The following KIF24 variants were observed in gnomAD, a reference collection of about 807,000 sequenced individuals.
The protein encoded by KIF24 is kinesin-like protein KIF24.
A neutral mutation model predicts 118.9 loss-of-function variants in KIF24; 81 were observed. The observed-to-expected ratio is 0.68, with a 90% CI of 0.57 to 0.82. The LOEUF (loss-of-function observed/expected upper bound fraction) is 0.82, where lower values mean the gene tolerates loss of function less well. KIF24 is among the 40% of genes least tolerant of loss of function. KIF24 has a pLI of 0.00. For synonymous variants in KIF24, 599 were observed against 610.0 expected (o/e 0.98, Z 0.27); for missense variants, 1,560 against 1,661.6 (o/e 0.94, Z 1.06).
intron 6 of KIF24, among the ~76,000 whole-genome samples, chr9:34,281,743 T>C (rs1350048639): frequency 1.3e-5 from 2 of 152,194 alleles, no homozygotes; most frequent in East Asian, 1.9e-4. Context: ...TTAAGCTTGG[T>C]TGAAGACTCA....
intron 4 of KIF24, among the ~76,000 whole-genome samples, chr9:34,290,898 C>T (rs905832475): frequency 6.6e-6 from 1 of 152,076 alleles, no homozygotes; most frequent in Admixed American, 6.5e-5. Context: ...CCACACCCAG[C>T]CTGAGTTTTC....
intron 3 of KIF24, among the ~76,000 whole-genome samples, chr9:34,303,643 A>G (rs1836808332): frequency 1.3e-5 from 2 of 152,246 alleles, no homozygotes; most frequent in African/African-American, 4.8e-5. Flanking sequence ...TGAGCTCAGG[A>G]GTTCGAGACC....
At chr9:34,263,293 A>C in intron 8 of KIF24, 121 bp from the exon 9 acceptor site, 2 of 730,728 alleles carry the variant, frequency 2.7e-6, no homozygotes, top group Non-Finnish European at 4.9e-6. Context: ...AATCCTCCAA[A>C]AGGAAGTCAA....
intron 12 of KIF24, 144 bp from the exon 13 acceptor site, chr9:34,254,664 G>T: frequency 1.3e-6 from 1 of 796,664 alleles, no homozygotes; most frequent in Non-Finnish European, 2.0e-6. Context: ...AGTTGCTATG[G>T]CACAGGGTGG....
intron 3 of KIF24, among the ~76,000 whole-genome samples, chr9:34,302,638 G>A (rs142811028): frequency 6.8e-6 from 1 of 147,560 alleles, no homozygotes; most frequent in East Asian, 2.0e-4. Flanking sequence ...GCTAATTTTT[G>A]TATTTTTAAA....
intron 8 of KIF24, among the ~76,000 whole-genome samples, chr9:34,266,593 G>C (rs373258220): frequency 6.6e-6 from 1 of 151,258 alleles, no homozygotes; most frequent in Non-Finnish European, 1.5e-5. Context: ...CAGGAGAATC[G>C]CTTGAACCTA....
At chr9:34,329,359 GA>G, upstream of KIF24, 1 of 152,382 alleles carries the variant, frequency 6.6e-6, no homozygotes, top group African/African-American at 2.4e-5. Context: ...TTCTCCTCTG[GA>G]AGACCAATCA....
Position 34,318,562 on chromosome 9 carries a change from C to T in KIF24, c.-25-7191G>A. 1 of 1,215,678 alleles carries T rather than the reference C, an allele frequency of 8.2e-7. No homozygotes were observed. Among genetic ancestry groups the T allele is most frequent in the Non-Finnish European group, 1.2e-6 (1 of 836,866 alleles). 75.3% of individuals were successfully genotyped at this position (1,215,678 alleles called of 1,614,324 possible). A position where few individuals can be genotyped will look rare whatever the true frequency, so the allele number is the denominator to read the frequency against. ...AACACAGCGCCGGCCTGGCCTTCAGCCTGTACCAGGCCATGGCCAAGGACC... is the reference window on the plus strand; with the variant it reads ...AACACAGCGCCGGCCTGGCCTTCAGTCTGTACCAGGCCATGGCCAAGGACC... On this transcript the variant is annotated intron_variant, in intron 1 of 12. Coordinates refer to ENST00000402558, the MANE Select transcript of KIF24 (RefSeq NM_194313.4). This position sits in a 1 kb window ranked among gnomAD's most constrained non-coding sequence, Gnocchi z 4.9.
chr9:34,260,973 A>AAAAT (rs761920445), intron 9 of KIF24, among the ~76,000 whole-genome samples: 25 of 151,580 alleles, frequency 1.6e-4, no homozygotes, highest in Non-Finnish European at 2.4e-4. Context: ...CTCCCTCTCA[A>AAAAT]AAATAAATAA....
rs1435868760 is a variant in KIF24, at chr9:34,252,539, ACTT to A, written c.*1838_*1840del. 2.0e-5 allele frequency: 3 copies of A among 152,766 alleles called. No homozygotes were observed. Among genetic ancestry groups the A allele is most frequent in the Non-Finnish European group, 4.4e-5 (3 of 68,034 alleles). The allele number at this position is 152,766 out of a possible 1,614,324, so 9.5% of individuals were successfully genotyped here. On this transcript the variant is annotated 3_prime_UTR_variant, in exon 13 of 13. Transcript: ENST00000402558. Reference sequence around the variant, plus strand: ...CTAAAAGGTATGTCTTGGTGTGATAACTTCTTTATTACCAAGGCTGTTTTATGG... The same window carrying A: ...CTAAAAGGTATGTCTTGGTGTGATAACTTTATTACCAAGGCTGTTTTATGG...
intron 9 of KIF24, among the ~76,000 whole-genome samples, chr9:34,260,305 T>C (rs1835007112): frequency 6.6e-6 from 1 of 152,230 alleles, no homozygotes; most frequent in Non-Finnish European, 1.5e-5. Context: ...ATTACATTAT[T>C]TATAATAGTA....
At chr9:34,286,029 A>G (rs1406469689) in intron 6 of KIF24, among the ~76,000 whole-genome samples, 3 of 151,894 alleles carry the variant, frequency 2.0e-5, no homozygotes, top group Non-Finnish European at 2.9e-5. Flanking sequence ...ACACATTAGC[A>G]GCATTTGAAA....
At chr9:34,331,690 A>G (rs183862449), upstream of KIF24, among the ~76,000 whole-genome samples, 2 of 152,374 alleles carry the variant, frequency 1.3e-5, no homozygotes, top group East Asian at 3.9e-4. Flanking sequence ...TTTAATAAAA[A>G]TAATTTTAAA....
At chr9:34,280,714 G>A (rs948038751) in intron 6 of KIF24, among the ~76,000 whole-genome samples, 11 of 152,102 alleles carry the variant, frequency 7.2e-5, no homozygotes, top group South Asian at 2.1e-4. Flanking sequence ...ACACTCGGGC[G>A]CTATACTCAG....
intron 2 of KIF24, among the ~76,000 whole-genome samples, chr9:34,310,361 A>G (rs1837090216): frequency 6.7e-6 from 1 of 150,340 alleles, no homozygotes; most frequent in South Asian, 2.2e-4. Flanking sequence ...AGTCCTGTGG[A>G]TTGTGTAATT....
At chr9:34,258,586 A>G (rs550099356) in intron 10 of KIF24, among the ~76,000 whole-genome samples, 1 of 152,382 alleles carries the variant, frequency 6.6e-6, no homozygotes, top group East Asian at 1.9e-4. Flanking sequence ...GGGACAGGCC[A>G]GAGACGCCAG....
chr9:34,265,494 A>C (rs1835252293), intron 8 of KIF24, among the ~76,000 whole-genome samples: 1 of 152,224 alleles, frequency 6.6e-6, no homozygotes, highest in Admixed American at 6.5e-5. Context: ...TAATTACAAA[A>C]TAAGGTTAAA....
chr9:34,308,944 A>G (rs982568972), intron 2 of KIF24, among the ~76,000 whole-genome samples: 1 of 152,186 alleles, frequency 6.6e-6, no homozygotes, highest in Non-Finnish European at 1.5e-5. Flanking sequence ...AGCTGGGGAC[A>G]GTGGTGCATA....
intron 1 of KIF24, among the ~76,000 whole-genome samples, chr9:34,320,258 G>T (rs1390588249): frequency 6.6e-6 from 1 of 151,472 alleles, no homozygotes; most frequent in Non-Finnish European, 1.5e-5. Context: ...GGAGGGAAGG[G>T]GGAACATAAG....
Sources: allele counts gnomAD v4.1 joint callset (sites outside exome capture counted in the v4.1 genomes callset), GRCh38; gene constraint gnomAD v4.1.1; non-coding constraint Gnocchi (gnomAD v3.1); transcripts MANE v1.5; gene names NCBI Gene and HGNC (gene_info 2026-07-23, HGNC 2026-07-21).